CLMN: variants seen among roughly 807,000 people sequenced by gnomAD.
The protein encoded by CLMN is calmin (calponin-like, transmembrane).
In CLMN, 57 loss-of-function variants were observed where a neutral mutation model predicts 92.7. That is an observed-to-expected ratio of 0.61 (90% CI 0.50 to 0.77). CLMN has a LOEUF of 0.77. Ranked by LOEUF, CLMN falls within the 30% of genes least tolerant of loss-of-function variation. The pLI, the probability that CLMN is intolerant of heterozygous loss-of-function variation, is 0.00. For missense variants in CLMN, 1,158 were observed against 1,237.5 expected (o/e 0.94, Z 0.96); for synonymous variants, 466 against 470.6 (o/e 0.99, Z 0.13).
intron 1 of CLMN, among the ~76,000 whole-genome samples, chr14:95,250,796 G>C (rs948275931): frequency 7.9e-5 from 12 of 152,174 alleles, no homozygotes; most frequent in African/African-American, 2.9e-4. Flanking sequence ...AGGGGACTAA[G>C]GCATAAACAA....
intron 2 of CLMN, among the ~76,000 whole-genome samples, chr14:95,224,795 C>G (rs891640823): frequency 5.3e-5 from 8 of 152,218 alleles, no homozygotes; most frequent in African/African-American, 1.4e-4. Context: ...TCCCCCATCT[C>G]CAAGACTGCT....
chr14:95,306,053 G>A (rs1236801778), intron 1 of CLMN, among the ~76,000 whole-genome samples: 3 of 152,186 alleles, frequency 2.0e-5, no homozygotes, highest in African/African-American at 7.2e-5. Context: ...TATGCAACGA[G>A]TGAAGCCATC....
chr14:95,310,828 C>T lies in CLMN; in HGVS notation c.82+8883G>A, dbSNP rs532240167. 9.4e-4 allele frequency among the ~76,000 whole-genome samples: 143 copies of T among 152,302 alleles called. 1 individual carries two copies. In the South Asian group the frequency reaches 0.013, roughly 14 times the overall value. ...GCACAGCAAGGGTAAAGGGCGTGGC[C>T]TGTGGGCAAACCCGGAAGACACCTG... On this transcript the variant is annotated intron_variant, in intron 1 of 12. Transcript: ENST00000298912.
At position 95,216,548 on chromosome 14, in the gene CLMN, C is replaced by T. The variant is rs138510637; in HGVS notation, c.325-815G>A. Among the ~76,000 whole-genome samples, 101 of 152,322 alleles carry T rather than the reference C, an allele frequency of 6.6e-4. No individual in the cohort carries two copies. In the East Asian group the frequency reaches 0.019, roughly 28 times the overall value. ...TCTGTCTGCTACATAAACACCACCA[C>T]GCCTGGATTTAGCATGTCCTTGGGA... is the stretch of plus-strand genomic sequence containing the variant. On this transcript the variant is annotated intron_variant, in intron 4 of 12. Coordinates refer to ENST00000298912, the MANE Select transcript of CLMN (RefSeq NM_024734.4).
At chr14:95,225,496 G>A (rs980086848) in intron 2 of CLMN, among the ~76,000 whole-genome samples, 9 of 152,360 alleles carry the variant, frequency 5.9e-5, no homozygotes, top group Non-Finnish European at 1.2e-4. Context: ...ATTCCCACCT[G>A]CTGACTGCTA....
intron 1 of CLMN, among the ~76,000 whole-genome samples, chr14:95,245,729 T>C (rs1898535224): frequency 6.6e-6 from 1 of 150,620 alleles, no homozygotes. Flanking sequence ...GATAGGTGGA[T>C]GGATAAATGG....
intron 1 of CLMN, among the ~76,000 whole-genome samples, chr14:95,291,635 C>T (rs923057079): frequency 1.3e-5 from 2 of 152,192 alleles, no homozygotes; most frequent in Admixed American, 1.3e-4. Context: ...GTGAGCTGAG[C>T]GTACGTTATT....
At position 95,210,744 on chromosome 14, in the gene CLMN, C is replaced by T. The variant is rs1897174238; in HGVS notation, c.744G>A (p.Glu248=). 1 of 1,609,908 alleles carries T rather than the reference C, an allele frequency of 6.2e-7. No homozygotes were observed. The highest frequency in any genetic ancestry group is 8.5e-7 in the Non-Finnish European group (1 of 1,178,206). ...CATCCTGTGCGATGCTGAAAGCCTT[C>T]TCTAGATTTTCTCGTGTGGAATTTT... is the stretch of plus-strand genomic sequence containing the variant. ...ALENSTRENL[E]KAFSIAQDAL... is the part of the protein sequence containing the mutation. Residue 248 remains glutamate, a synonymous_variant, in exon 7 of 13, where the codon GAG becomes GAA. Coordinates refer to ENST00000298912, the MANE Select transcript of CLMN (RefSeq NM_024734.4).
At chr14:95,218,716 A>G (rs1371809451) in intron 4 of CLMN, among the ~76,000 whole-genome samples, 1 of 152,194 alleles carries the variant, frequency 6.6e-6, no homozygotes, top group Non-Finnish European at 1.5e-5. Flanking sequence ...CGGGCCATTC[A>G]CTTGTCCTAC....
In CLMN at chr14:95,196,628, T is replaced by C. The variant is rs1472384389; in HGVS notation, c.2578A>G (p.Ile860Val). 2 of 1,614,180 alleles carry C rather than the reference T, an allele frequency of 1.2e-6. No homozygotes were observed. The highest frequency in any genetic ancestry group is 1.7e-6 in the Non-Finnish European group (2 of 1,180,040). The change falls in exon 10 of 13, where the codon ATC becomes GTC. Residue 860 changes from isoleucine (I) to valine (V), a missense_variant. By Grantham distance (29) the Ile-to-Val change is conservative. Coordinates refer to ENST00000298912, the MANE Select transcript of CLMN (RefSeq NM_024734.4). ...CTTTTTTCCTTTTTTTTACTACTGA[T>C]TGATTCTTTCGTTACATTTTCTTCT... is the stretch of plus-strand genomic sequence containing the variant. ...PLEENVTKES[I>V]SSKKKEKRKH...
At chr14:95,213,492 C>A in intron 5 of CLMN, 83 bp from the exon 6 acceptor site, 1 of 1,345,540 alleles carries the variant, frequency 7.4e-7, no homozygotes, top group Non-Finnish European at 1.0e-6. Context: ...GCCATATGGA[C>A]CATGGCTGGA....
chr14:95,296,478 T>C (rs746621976), intron 1 of CLMN, among the ~76,000 whole-genome samples: 4 of 152,228 alleles, frequency 2.6e-5, no homozygotes, highest in Non-Finnish European at 5.9e-5. Flanking sequence ...CCTCTTGTTC[T>C]TAGGTGGGCA....
rs1341471111 is a variant in CLMN at position 95,231,290 on chromosome 14, G to A, written c.83-1157C>T. Among the ~76,000 whole-genome samples, 5 of 150,156 alleles carry A rather than the reference G, an allele frequency of 3.3e-5. No individual in the cohort carries two copies. The East Asian group carries it at 5.9e-4, about 18-fold the overall frequency. On this transcript the variant is annotated intron_variant, in intron 1 of 12. Coordinates refer to ENST00000298912, the MANE Select transcript of CLMN (RefSeq NM_024734.4). ...CGGCTCACTACAAGCTCCGCCTCCCGGGTTCATGCCATTCTCCTGCCTCAG... is the reference window on the plus strand; with the variant it reads ...CGGCTCACTACAAGCTCCGCCTCCCAGGTTCATGCCATTCTCCTGCCTCAG...
chr14:95,196,597 T>G lies in CLMN; in HGVS notation c.2609A>C (p.His870Pro), dbSNP rs895283139. Residue 870 changes from histidine to proline, a missense_variant, in exon 10 of 13, where the codon CAT becomes CCT. His to Pro is a moderately conservative substitution (Grantham distance 77). Transcript: ENST00000298912. Reference protein sequence around the residue: ...ISSKKKEKRKHVDHVESSLFV... With the variant: ...ISSKKKEKRKPVDHVESSLFV... ...TAGTGAACTTTCTACGTGGTCCACA[T>G]GTTTCCTTTTTTCCTTTTTTTTACT... 1.9e-5 allele frequency: 30 copies of G among 1,613,860 alleles called. No individual in the cohort carries two copies. The highest frequency in any genetic ancestry group is 3.3e-5 in the Admixed American group (2 of 60,008).
intron 1 of CLMN, among the ~76,000 whole-genome samples, chr14:95,268,951 G>A (rs754891225): frequency 1.5e-4 from 23 of 151,524 alleles, no homozygotes; most frequent in Admixed American, 2.0e-4. Flanking sequence ...CTACAGGCAC[G>A]TGCCACCATA....
intron 1 of CLMN, among the ~76,000 whole-genome samples, chr14:95,269,697 C>T (rs1262664331): frequency 6.6e-6 from 1 of 152,236 alleles, no homozygotes; most frequent in Non-Finnish European, 1.5e-5. Context: ...CTGACCCCAG[C>T]TGCCTGGCAC....
intron 2 of CLMN, 136 bp from the exon 3 acceptor site, chr14:95,223,991 A>C (rs1897630504): frequency 3.2e-6 from 2 of 624,486 alleles, no homozygotes; most frequent in Non-Finnish European, 5.5e-6. Flanking sequence ...AGCCCATCCA[A>C]GGAGGTAGCA....
chr14:95,269,724 C>A (rs916832153), intron 1 of CLMN, among the ~76,000 whole-genome samples: 1 of 152,220 alleles, frequency 6.6e-6, no homozygotes, highest in African/African-American at 2.4e-5. Context: ...CTCCCACTGG[C>A]CCCCACAGCA....
At chr14:95,237,093 T>G (rs1471642966) in intron 1 of CLMN, among the ~76,000 whole-genome samples, 3 of 152,208 alleles carry the variant, frequency 2.0e-5, no homozygotes, top group African/African-American at 7.2e-5. Context: ...TTTGGACAAG[T>G]TACTGGACTA....
Sources: gnomAD v4.1 joint callset for allele counts (sites outside exome capture counted in the v4.1 genomes callset) on GRCh38, gnomAD v4.1.1 for gene constraint, MANE v1.5 for transcripts, NCBI Gene and HGNC (gene_info 2026-07-23, HGNC 2026-07-21) for gene names.